RBFOX1: variants seen among roughly 807,000 people sequenced by gnomAD.
RBFOX1 encodes RNA binding protein fox-1 homolog 1.
A neutral mutation model predicts 57.7 loss-of-function variants in RBFOX1; 8 were observed. The ratio of observed to expected loss-of-function variants is 0.14; its 90% confidence interval spans 0.08 to 0.25. RBFOX1 has a LOEUF of 0.25. Among genes scored for constraint, RBFOX1 ranks in the 10% least tolerant of loss-of-function variants. The pLI, the probability that RBFOX1 is intolerant of heterozygous loss-of-function variation, is 1.00. For missense variants in RBFOX1, 611 were observed against 548.5 expected (o/e 1.11, Z -1.14); for synonymous variants, 326 against 222.4 (o/e 1.47, Z -4.15).
At chr16:6,743,324 C>G (rs911648625) in intron 3 of RBFOX1, among the ~76,000 whole-genome samples, 1 of 152,098 alleles carries the variant, frequency 6.6e-6, no homozygotes, top group Non-Finnish European at 1.5e-5. Context: ...CTAATTCTGT[C>G]AATCACATTA....
chr16:6,704,385 A>G (rs894076680), intron 3 of RBFOX1: 1 of 152,204 alleles, frequency 6.6e-6, no homozygotes, highest in Non-Finnish European at 1.5e-5. Flanking sequence ...ACCTAGACAA[A>G]CATGAGGTGG....
At chr16:6,164,529 C>G (rs1029002239) in intron 1 of RBFOX1, among the ~76,000 whole-genome samples, 1 of 147,500 alleles carries the variant, frequency 6.8e-6, no homozygotes, top group Non-Finnish European at 1.5e-5. Context: ...TGCAGTGGTG[C>G]TATCTCGGCC....
intron 5 of RBFOX1, among the ~76,000 whole-genome samples, chr16:7,523,048 A>T (rs1308193215): frequency 6.6e-6 from 1 of 152,074 alleles, no homozygotes; most frequent in Non-Finnish European, 1.5e-5. Flanking sequence ...GCTATAGCTT[A>T]ATTTGCAGTT....
chr16:5,812,547 C>T (rs2055472297), intron 3 of RBFOX1, among the ~76,000 whole-genome samples: 1 of 150,722 alleles, frequency 6.6e-6, no homozygotes, highest in South Asian at 2.1e-4. Flanking sequence ...CAGCCTCGAA[C>T]TCCTGGGCTC....
chr16:6,589,832 A>G (rs2097685752), intron 2 of RBFOX1, among the ~76,000 whole-genome samples: 1 of 152,204 alleles, frequency 6.6e-6, no homozygotes, highest in Non-Finnish European at 1.5e-5. Flanking sequence ...CTTGGAGGTA[A>G]GAAGCAAGAT....
At chr16:7,069,256 A>T (rs1020761035) in intron 4 of RBFOX1, among the ~76,000 whole-genome samples, 11 of 152,200 alleles carry the variant, frequency 7.2e-5, no homozygotes, top group African/African-American at 2.4e-4. Flanking sequence ...TTACATAGGT[A>T]AACATGTGCC....
chr16:5,768,499 C>T (rs1396052302), intron 3 of RBFOX1, among the ~76,000 whole-genome samples: 2 of 152,190 alleles, frequency 1.3e-5, no homozygotes, highest in East Asian at 1.9e-4. Context: ...CAGGGAATAG[C>T]TACAGGTGCA....
At position 7,432,519 on chromosome 16, in the gene RBFOX1, C is replaced by G. The variant is rs988674166; in HGVS notation, c.28-85628C>G. 5.9e-5 allele frequency among the ~76,000 whole-genome samples: 9 copies of G among 152,138 alleles called. No homozygotes were observed. In the South Asian group the frequency reaches 1.0e-3, roughly 17 times the overall value. On this transcript the variant is annotated intron_variant, in intron 4 of 15. Transcript: ENST00000550418. ...TTCTTGTCTTAACAACAGGTATGCA[C>G]AAACATTTTTTTTATAAAGGACCAG... is the stretch of plus-strand genomic sequence containing the variant.
At chr16:7,270,839 C>G (rs991162075) in intron 4 of RBFOX1, among the ~76,000 whole-genome samples, 2 of 152,144 alleles carry the variant, frequency 1.3e-5, no homozygotes, top group African/African-American at 4.8e-5. Context: ...TGAGCCAACT[C>G]TCTAAAACTT....
chr16:6,662,807 C>CA (rs71145271), intron 3 of RBFOX1, among the ~76,000 whole-genome samples: 11 of 151,980 alleles, frequency 7.2e-5, no homozygotes, highest in Non-Finnish European at 1.0e-4. Context: ...CTACATATGA[C>CA]AAAAAAAATA....
At chr16:7,132,502 C>T (rs1447098302) in intron 4 of RBFOX1, among the ~76,000 whole-genome samples, 1 of 144,684 alleles carries the variant, frequency 6.9e-6, no homozygotes, top group Admixed American at 6.9e-5. Flanking sequence ...TCTTGAATAA[C>T]ATAAGACAAA....
At chr16:5,428,846 G>T (rs2067643482) in intron 1 of RBFOX1, among the ~76,000 whole-genome samples, 1 of 152,146 alleles carries the variant, frequency 6.6e-6, no homozygotes, top group Non-Finnish European at 1.5e-5. Flanking sequence ...AAGTGCTCAG[G>T]CAGAGGCATA....
chr16:7,421,757 C>G (rs1330562153), intron 4 of RBFOX1, among the ~76,000 whole-genome samples: 4 of 152,218 alleles, frequency 2.6e-5, no homozygotes, highest in African/African-American at 9.7e-5. Context: ...TTCTGCGTTT[C>G]TGTACCATGG....
chr16:5,449,730 C>T (rs1178089546), intron 1 of RBFOX1, among the ~76,000 whole-genome samples: 1 of 151,964 alleles, frequency 6.6e-6, no homozygotes, highest in African/African-American at 2.4e-5. Context: ...CACCTCAGCC[C>T]CCCGAGTAGA....
At chr16:6,689,348 C>T (rs970787420) in intron 3 of RBFOX1, among the ~76,000 whole-genome samples, 1 of 151,986 alleles carries the variant, frequency 6.6e-6, no homozygotes, top group Non-Finnish European at 1.5e-5. Flanking sequence ...TCTCTTAAGT[C>T]TTCACCTCCA....
At chr16:6,255,963 C>T (rs2097658723) in intron 1 of RBFOX1, among the ~76,000 whole-genome samples, 3 of 151,228 alleles carry the variant, frequency 2.0e-5, no homozygotes, top group South Asian at 4.2e-4. Flanking sequence ...ACCTAGATGA[C>T]ACGTTGATGG....
intron 2 of RBFOX1, among the ~76,000 whole-genome samples, chr16:5,592,755 C>G (rs2047051702): frequency 6.6e-6 from 1 of 152,160 alleles, no homozygotes; most frequent in South Asian, 2.1e-4. Flanking sequence ...CTGTGTTCAT[C>G]CAACAGCCAT....
At chr16:5,380,375 GA>G (rs1236157255) in intron 1 of RBFOX1, among the ~76,000 whole-genome samples, 1 of 152,224 alleles carries the variant, frequency 6.6e-6, no homozygotes, top group African/African-American at 2.4e-5. Context: ...ACATCTGTGT[GA>G]TGGGCATTAA....
At chr16:7,491,625 C>G (rs2067009892) in intron 4 of RBFOX1, among the ~76,000 whole-genome samples, 1 of 151,776 alleles carries the variant, frequency 6.6e-6, no homozygotes, top group Non-Finnish European at 1.5e-5. Context: ...CTCATTTGGG[C>G]TCTTTATTTT....
Sources: gnomAD v4.1 joint callset for allele counts (sites outside exome capture counted in the v4.1 genomes callset) on GRCh38, gnomAD v4.1.1 for gene constraint, MANE v1.5 for transcripts, NCBI Gene and HGNC (gene_info 2026-07-23, HGNC 2026-07-21) for gene names.